The following PTGS2 variants were observed in gnomAD, a reference collection of about 807,000 sequenced individuals.
The protein encoded by PTGS2 is prostaglandin G/H synthase 2.
PTGS2 carries 14 observed loss-of-function variants against 63.8 expected under a neutral mutation model. The observed-to-expected ratio is 0.22, with a 90% CI of 0.14 to 0.34. The LOEUF is 0.34. Among genes scored for constraint, PTGS2 ranks in the 10% least tolerant of loss-of-function variants. The pLI is 1.00. For synonymous variants in PTGS2, 271 were observed against 259.5 expected, an observed-to-expected ratio of 1.04 and a Z score of -0.43; for missense variants, 533 against 738.5, an observed-to-expected ratio of 0.72 and a Z score of 3.23.
At position 186,676,916 on chromosome 1, in the gene PTGS2, C is replaced by A; in HGVS notation, c.640G>T (p.Val214Leu). The A allele has an allele frequency of 6.2e-7, 1 of 1,600,236 alleles. No homozygotes were observed. The highest frequency in any genetic ancestry group is 8.5e-7 in the Non-Finnish European group (1 of 1,174,514). ...PAFTNGLGHG[V>L]DLNHIYGETL... is the part of the protein sequence containing the mutation. The stretch of plus-strand genomic sequence containing the variant: ...TCACCGTAAATATGATTTAAGTCCA[C>A]CTAGAAAATGATGAAAAAATTTTAA... Residue 214 changes from valine (V) to leucine (L), a missense_variant and splice_region_variant, in exon 6 of 10, where the codon GTG (valine) becomes TTG (leucine). Val to Leu is a conservative substitution (Grantham distance 32, BLOSUM62 1). Transcript: ENST00000367468.
chr1:186,679,137 A>T lies in PTGS2; in HGVS notation c.234T>A (p.Leu78=), dbSNP rs1463968319. The change falls in exon 3 of 10, where the codon CTT becomes CTA. Residue 78 remains leucine, a synonymous_variant. Coordinates refer to ENST00000367468, the MANE Select transcript of PTGS2 (RefSeq NM_000963.4). The stretch of plus-strand genomic sequence containing the variant: ...CGTTCCAAAATCCCTTGAAGTGGGT[A>T]AGTATGTAGTGCACTGTGTTTGGAG... ...KPTPNTVHYI[L]THFKGFWNVV... 7 of 1,613,976 alleles carry T rather than the reference A, an allele frequency of 4.3e-6. No homozygotes were observed. Among genetic ancestry groups the T allele is most frequent in the Admixed American group, 1.7e-5 (1 of 59,990 alleles).
At position 186,679,200 on chromosome 1, in the gene PTGS2, C is replaced by T; in HGVS notation, c.171G>A (p.Pro57=). Residue 57 remains proline (P), a splice_region_variant and synonymous_variant, in exon 3 of 10, where the codon CCG becomes CCA. Transcript: ENST00000367468. ...TGFYGENCST[P]EFLTRIKLFL... ...ATAATTTTATTCTTGTCAAAAATTC[C>T]GCTGCAAGAAGACGAAGAAAGGGAG... The T allele has an allele frequency of 6.2e-7, 1 of 1,613,024 alleles. No individual in the cohort carries two copies. The highest frequency in any genetic ancestry group is 8.5e-7 in the Non-Finnish European group (1 of 1,179,606).
At chr1:186,678,784 A>G (rs1404576547) in intron 3 of PTGS2, among the ~76,000 whole-genome samples, 23 of 152,186 alleles carry the variant, frequency 1.5e-4, no homozygotes, top group Admixed American at 1.4e-3. Flanking sequence ...TCTGTGGCCC[A>G]TGGGCATTCA....
chr1:186,674,645 A>G lies in PTGS2; in HGVS notation c.1523T>C (p.Met508Thr), dbSNP rs770663212. ...PRPDAIFGET[M>T]VEVGAPFSLK... ...GGAGAATGGTGCTCCAACTTCTACC[A>G]TGGTTTCACCAAAGATGGCATCTGG... The change falls in exon 10 of 10, where the codon ATG (methionine) becomes ACG (threonine). Residue 508 changes from methionine to threonine, a missense_variant. This residue lies in a region of PTGS2 where 219 missense variants were observed against 267.4 expected (regional missense o/e 0.82). Transcript: ENST00000367468. 3.7e-6 allele frequency: 6 copies of G among 1,614,234 alleles called. No homozygotes were observed. The South Asian group carries it at 6.6e-5, about 18-fold the overall frequency.
At chr1:186,675,741 T>C (rs1665768022) in intron 8 of PTGS2, 157 bp downstream of exon 8, 2 of 869,158 alleles carry the variant, frequency 2.3e-6, no homozygotes, top group Non-Finnish European at 3.4e-6. Flanking sequence ...AAGTTTAGAC[T>C]TTTCAAACAA....
In PTGS2 at chr1:186,676,912, T is replaced by C; in HGVS notation, c.644A>G (p.Asp215Gly). The C allele has an allele frequency of 1.2e-6, 2 of 1,603,050 alleles. No individual in the cohort carries two copies. Among genetic ancestry groups the C allele is most frequent in the African/African-American group, 2.7e-5 (2 of 74,762 alleles). Residue 215 changes from aspartate (D) to glycine (G), a missense_variant, in exon 6 of 10, where the codon GAC (aspartate) becomes GGC (glycine). Asp to Gly is a moderately conservative substitution (Grantham distance 94). Coordinates refer to ENST00000367468, the MANE Select transcript of PTGS2 (RefSeq NM_000963.4). ...AGTTTCACCGTAAATATGATTTAAGTCCACCTAGAAAATGATGAAAAAATT... is the reference window on the plus strand; with the variant it reads ...AGTTTCACCGTAAATATGATTTAAGCCCACCTAGAAAATGATGAAAAAATT... ...AFTNGLGHGVDLNHIYGETLA... is the reference protein window; with the variant it reads ...AFTNGLGHGVGLNHIYGETLA...
rs1665722414 is a variant in PTGS2, at chr1:186,673,328, C to T, written c.*1025G>A. 6.6e-6 allele frequency: 1 copy of T among 152,118 alleles called. No individual in the cohort carries two copies. Among genetic ancestry groups the T allele is most frequent in the Non-Finnish European group, 1.5e-5 (1 of 68,004 alleles). The allele number at this position is 152,118 out of a possible 1,614,324, so 9.4% of individuals were successfully genotyped here. A position where few individuals can be genotyped will look rare whatever the true frequency, so the allele number is the denominator to read the frequency against. On this transcript the variant is annotated 3_prime_UTR_variant, in exon 10 of 10. Transcript: ENST00000367468. ...CAAGCACAGCTTGGTACTTCATTAA[C>T]CTCATAGCAAAATCTGAGTACCAGG...
Position 186,674,266 on chromosome 1 carries a change from A to G in PTGS2, c.*87T>C, listed in dbSNP as rs1665740103. 1 of 876,070 alleles carries G rather than the reference A, an allele frequency of 1.1e-6. No individual in the cohort carries two copies. 54.3% of individuals were successfully genotyped at this position (876,070 alleles called of 1,614,324 possible). On this transcript the variant is annotated 3_prime_UTR_variant, in exon 10 of 10. Transcript: ENST00000367468. ...ACTTCTGTTACAGAAGATGTTAAGT[A>G]ACATAAGGAGTTTAATATAAATATT...
Position 186,676,453 on chromosome 1 carries a change from A to G in PTGS2, c.970+14T>C, listed in dbSNP as rs1665783071. 4 of 1,610,286 alleles carry G rather than the reference A, an allele frequency of 2.5e-6. 1 individual carries two copies. The South Asian group carries it at 4.4e-5, about 18-fold the overall frequency. On this transcript the variant is annotated intron_variant, in intron 7 of 9. Transcript: ENST00000367468. Reference sequence around the variant, plus strand: ...TGGGGAAGAGGGTTTTATATAAATCATTTTCTTGTTTACCTATCAGTATTA... The same window carrying G: ...TGGGGAAGAGGGTTTTATATAAATCGTTTTCTTGTTTACCTATCAGTATTA...
intron 9 of PTGS2, 85 bp from the exon 10 acceptor site, chr1:186,674,847 G>A: frequency 7.0e-7 from 1 of 1,429,100 alleles, no homozygotes. Flanking sequence ...TCAATTTGCT[G>A]CCAACTTCTC....
chr1:186,676,896 G>A lies in PTGS2; in HGVS notation c.660C>T (p.Tyr220=), dbSNP rs200000802. 5.3e-5 allele frequency: 85 copies of A among 1,604,426 alleles called. No homozygotes were observed. Among genetic ancestry groups the A allele is most frequent in the Admixed American group, 1.5e-4 (9 of 59,174 alleles). Residue 220 remains tyrosine, a synonymous_variant, in exon 6 of 10, where the codon TAC becomes TAT. Transcript: ENST00000367468. ...TACGCTGTCTAGCCAGAGTTTCACC[G>A]TAAATATGATTTAAGTCCACCTAGA... is the stretch of plus-strand genomic sequence containing the variant. ...LGHGVDLNHI[Y]GETLARQRKL...
chr1:186,673,484 G>A lies in PTGS2; in HGVS notation c.*869C>T, dbSNP rs200717726. The A allele has an allele frequency of 6.6e-6, 1 of 152,090 alleles. No individual in the cohort carries two copies. Among genetic ancestry groups the A allele is most frequent in the Non-Finnish European group, 1.5e-5 (1 of 67,994 alleles). The allele number at this position is 152,090 out of a possible 1,614,324, so 9.4% of individuals were successfully genotyped here. ...CCTTTTGCTGATATAGATTTTACATGTTACCAGCCATATAAACAAATTCTG... is the reference window on the plus strand; with the variant it reads ...CCTTTTGCTGATATAGATTTTACATATTACCAGCCATATAAACAAATTCTG... On this transcript the variant is annotated 3_prime_UTR_variant, in exon 10 of 10. Transcript: ENST00000367468.
intron 3 of PTGS2, 145 bp from the exon 4 acceptor site, chr1:186,678,549 CT>C (rs1665822273): frequency 1.4e-6 from 1 of 714,282 alleles, no homozygotes; most frequent in East Asian, 2.8e-5. Flanking sequence ...AACAACTACA[CT>C]TTATAGTCTA....
chr1:186,680,281 G>A lies in PTGS2; in HGVS notation c.10C>T (p.Arg4Cys). The A allele has an allele frequency of 3.2e-6, 5 of 1,544,072 alleles. No homozygotes were observed. Among genetic ancestry groups the A allele is most frequent in the Non-Finnish European group, 4.4e-6 (5 of 1,143,616 alleles). ...AGGACCGCGCACAGCAGCAGGGCGC[G>A]GGCGAGCATCGCAGCGGCGGGCAGG... MLA[R>C]ALLLCAVLAL... The change falls in exon 1 of 10, where the codon CGC (arginine) becomes TGC (cysteine). Residue 4 changes from arginine to cysteine, a missense_variant. This residue lies in a region of PTGS2 where 118 missense variants were observed against 144.6 expected (regional missense o/e 0.82). Transcript: ENST00000367468.
At chr1:186,677,586 T>TATTA (rs2102006535) in intron 5 of PTGS2, 63 bp downstream of exon 5, 1 of 1,432,660 alleles carries the variant, frequency 7.0e-7, no homozygotes, top group Admixed American at 2.4e-5. Context: ...TCTCCTTTAA[T>TATTA]GTTAGCCCTT....
chr1:186,675,011 T>C (rs1571809554), intron 9 of PTGS2, among the ~76,000 whole-genome samples: 1 of 152,142 alleles, frequency 6.6e-6, no homozygotes, highest in African/African-American at 2.4e-5. Flanking sequence ...ACCCCGTCTA[T>C]ACTGAAAATA....
intron 3 of PTGS2, 47 bp downstream of exon 3, chr1:186,679,011 T>A (rs768442134): frequency 1.3e-6 from 2 of 1,574,484 alleles, no homozygotes; most frequent in African/African-American, 1.4e-5. Context: ...ATAAAGCATA[T>A]TTTTCTTTGA....
chr1:186,679,403 C>T lies in PTGS2; in HGVS notation c.88G>A (p.Gly30Ser). 6.2e-7 allele frequency: 1 copy of T among 1,614,116 alleles called. No individual in the cohort carries two copies. Among genetic ancestry groups the T allele is most frequent in the Non-Finnish European group, 8.5e-7 (1 of 1,180,012 alleles). The change falls in exon 2 of 10, where the codon GGT (glycine) becomes AGT (serine). Residue 30 changes from glycine to serine, a missense_variant. Physicochemically the swap from Gly to Ser is moderately conservative, Grantham distance 56. Around this residue, in one of 5 missense-constraint regions of PTGS2, gnomAD observed 118 missense variants for 144.6 expected, o/e 0.82. Transcript: ENST00000367468. Reference protein sequence around the residue: ...PCCSHPCQNRGVCMSVGFDQY... With the variant: ...PCCSHPCQNRSVCMSVGFDQY... ...TCAAATCCCACACTCATACATACAC[C>T]TCGGTTTTGACATGGGTGGGAACAG... is the stretch of plus-strand genomic sequence containing the variant.
In PTGS2 at chr1:186,675,959, A is replaced by G. The variant is rs367650109; in HGVS notation, c.1196T>C (p.Ile399Thr). The G allele has an allele frequency of 1.9e-6, 3 of 1,613,960 alleles. No individual in the cohort carries two copies. The African/African-American group carries it at 4.0e-5, about 22-fold the overall frequency. The change falls in exon 8 of 10, where the codon ATA (isoleucine) becomes ACA (threonine). Residue 399 changes from isoleucine to threonine, a missense_variant. Ile to Thr is a moderately conservative substitution (Grantham distance 89). This residue lies in a region of PTGS2 where 219 missense variants were observed against 267.4 expected (regional missense o/e 0.82). Transcript: ENST00000367468. ...NYQQFIYNNS[I>T]LLEHGITQFV... The stretch of plus-strand genomic sequence containing the variant: ...CTGGGTAATTCCATGTTCCAGCAAT[A>G]TAGAGTTGTTGTAGATAAACTGTTG...
Sources: allele counts gnomAD v4.1 joint callset (sites outside exome capture counted in the v4.1 genomes callset), GRCh38; gene constraint gnomAD v4.1.1; regional missense constraint gnomAD v4.1.1; transcripts MANE v1.5; gene names NCBI Gene and HGNC (gene_info 2026-07-23, HGNC 2026-07-21).